Variants in COL23A1 observed in about 807,000 individuals in gnomAD.
The protein encoded by COL23A1 is collagen alpha-1(XXIII) chain.
Under a neutral mutation model 99.3 loss-of-function variants are expected in COL23A1, and 97 were observed. The ratio of observed to expected loss-of-function variants is 0.98; its 90% CI spans 0.83 to 1.16. The LOEUF (loss-of-function observed/expected upper bound fraction) is 1.16, where lower values mean the gene tolerates loss of function less well. Ranked by LOEUF, COL23A1 falls within the 50% of genes most tolerant of loss-of-function variation. The pLI, the probability that COL23A1 is intolerant of heterozygous loss-of-function variation, is 0.00. For missense variants in COL23A1, 762 were observed against 757.4 expected (o/e 1.01, Z -0.07); for synonymous variants, 320 against 308.2 (o/e 1.04, Z -0.40).
chr5:178,342,176 C>T (rs1031259344), intron 2 of COL23A1, among the ~76,000 whole-genome samples: 1 of 152,192 alleles, frequency 6.6e-6, no homozygotes. Context: ...CTGCAGTTCC[C>T]ACATGGCCCA....
intron 20 of COL23A1, 84 bp downstream of exon 20, chr5:178,248,108 G>A: frequency 1.0e-6 from 1 of 996,746 alleles, no homozygotes. Flanking sequence ...CAGGCCAGGT[G>A]GCCTTTTTGT....
At chr5:178,242,698 G>A (rs1220436502) in intron 25 of COL23A1, among the ~76,000 whole-genome samples, 1 of 152,210 alleles carries the variant, frequency 6.6e-6, no homozygotes, top group Non-Finnish European at 1.5e-5. Context: ...ACTGGTCTAG[G>A]CTTGGCTGGG....
chr5:178,356,966 C>T (rs1419157280), intron 2 of COL23A1, among the ~76,000 whole-genome samples: 1 of 152,246 alleles, frequency 6.6e-6, no homozygotes, highest in Non-Finnish European at 1.5e-5. Context: ...TAACACAAAG[C>T]CTGACGCTCG....
chr5:178,532,194 G>A (rs1760687430), intron 2 of COL23A1, among the ~76,000 whole-genome samples: 1 of 152,226 alleles, frequency 6.6e-6, no homozygotes, highest in Non-Finnish European at 1.5e-5. Context: ...TGTGCTCCAG[G>A]CACATTGTTT....
In COL23A1 at chr5:178,259,928, A is replaced by G. The variant is rs1021109253; in HGVS notation, c.703-181T>C. ...CAGTCTTGAATTCCACTTCTGAGCC[A>G]CTCACTCCCAAGCTCAATGACCCTG... On this transcript the variant is annotated intron_variant, in intron 11 of 28. Transcript: ENST00000390654. 2.0e-4 allele frequency among the ~76,000 whole-genome samples: 30 copies of G among 152,086 alleles called. 1 individual carries two copies. The highest frequency in any genetic ancestry group is 7.2e-4 in the African/African-American group (30 of 41,412).
chr5:178,560,750 T>C lies in COL23A1; in HGVS notation c.295-2A>G. On this transcript the variant is annotated splice_acceptor_variant, in intron 1 of 28. Transcript: ENST00000390654. LOFTEE classifies it high-confidence loss of function. ...GATCTTCGCTAGTCCGTCCAACTTC[T>C]GAGCCGGAAAAAAAAAAAGAAAAAA... is the stretch of plus-strand genomic sequence containing the variant. The C allele has an allele frequency of 6.2e-7, 1 of 1,605,168 alleles. No individual in the cohort carries two copies. Among genetic ancestry groups the C allele is most frequent in the Non-Finnish European group, 8.5e-7 (1 of 1,177,342 alleles).
chr5:178,415,662 C>T lies in COL23A1; in HGVS notation c.362-108743G>A, dbSNP rs112059538. Reference sequence around the variant, plus strand: ...GAGGGCAAGGGGACTGTGCGGGCGGCGGTGAGGTGGGCAGTCAGCAGACTG... The same window carrying T: ...GAGGGCAAGGGGACTGTGCGGGCGGTGGTGAGGTGGGCAGTCAGCAGACTG... On this transcript the variant is annotated intron_variant, in intron 2 of 28. Transcript: ENST00000390654. This position sits in a 1 kb window ranked among gnomAD's most constrained non-coding sequence, Gnocchi z 4.6. Among the ~76,000 whole-genome samples, 2 of 152,312 alleles carry T rather than the reference C, an allele frequency of 1.3e-5. No individual in the cohort carries two copies. Among genetic ancestry groups the T allele is most frequent in the African/African-American group, 4.8e-5 (2 of 41,568 alleles).
chr5:178,508,059 T>C (rs1346353801), intron 2 of COL23A1, among the ~76,000 whole-genome samples: 3 of 152,180 alleles, frequency 2.0e-5, no homozygotes, highest in African/African-American at 7.2e-5. Context: ...ATTTTCTCTC[T>C]GTTGTTCAGA....
At chr5:178,411,910 A>C (rs1765075549) in intron 2 of COL23A1, among the ~76,000 whole-genome samples, 1 of 152,224 alleles carries the variant, frequency 6.6e-6, no homozygotes, top group South Asian at 2.1e-4. Context: ...GATGTGTGGA[A>C]ATAGAAACTT....
At chr5:178,260,489 A>C (rs1765568353) in intron 11 of COL23A1, among the ~76,000 whole-genome samples, 1 of 152,164 alleles carries the variant, frequency 6.6e-6, no homozygotes, top group Non-Finnish European at 1.5e-5. Flanking sequence ...AAAACTATGG[A>C]GACAGTGAAA....
At chr5:178,574,103 C>T (rs1763234936) in intron 1 of COL23A1, among the ~76,000 whole-genome samples, 2 of 152,272 alleles carry the variant, frequency 1.3e-5, no homozygotes, top group South Asian at 4.1e-4. Flanking sequence ...AAGTGATCCA[C>T]CCACCTCAGC....
Position 178,589,718 on chromosome 5 carries a change from T to C in COL23A1, c.294+186A>G, listed in dbSNP as rs1019796809. On this transcript the variant is annotated intron_variant, in intron 1 of 28. Transcript: ENST00000390654. This position sits in a 1 kb window ranked among gnomAD's most constrained non-coding sequence, Gnocchi z 5.4. Reference sequence around the variant, plus strand: ...GCCGGAGCGGAGACCGCAAAACCCCTTGGGGCCGGCACCCCCTGCCTCCGC... The same window carrying C: ...GCCGGAGCGGAGACCGCAAAACCCCCTGGGGCCGGCACCCCCTGCCTCCGC... Among the ~76,000 whole-genome samples the C allele has an allele frequency of 6.6e-6, 1 of 151,772 alleles. No homozygotes were observed. The highest frequency in any genetic ancestry group is 2.1e-4 in the South Asian group (1 of 4,804).
At chr5:178,521,552 CAAAA>C (rs5873620) in intron 2 of COL23A1, among the ~76,000 whole-genome samples, 3 of 113,314 alleles carry the variant, frequency 2.6e-5, no homozygotes, top group Admixed American at 9.0e-5. Context: ...GACTCCATCT[CAAAA>C]AAAAAAAAAA....
intron 2 of COL23A1, among the ~76,000 whole-genome samples, chr5:178,410,886 A>C (rs781476208): frequency 3.1e-4 from 47 of 152,244 alleles, no homozygotes; most frequent in Admixed American, 1.0e-3. Context: ...CAATACTAAT[A>C]GTAATTCAGA....
chr5:178,428,277 C>T lies in COL23A1; in HGVS notation c.362-121358G>A, dbSNP rs1013536598. On this transcript the variant is annotated intron_variant, in intron 2 of 28. Coordinates refer to ENST00000390654, the MANE Select transcript of COL23A1 (RefSeq NM_173465.4). The surrounding 1 kb of genome is among the most constrained non-coding windows in gnomAD (Gnocchi z 5.0). ...GAAGGGTCTCTGGCTTCCCAAGATG[C>T]CATCTCTCCAGCCAAGAAGGTGCCC... Among the ~76,000 whole-genome samples the T allele has an allele frequency of 6.6e-6, 1 of 152,220 alleles. No homozygotes were observed. Among genetic ancestry groups the T allele is most frequent in the Non-Finnish European group, 1.5e-5 (1 of 68,038 alleles).
intron 2 of COL23A1, among the ~76,000 whole-genome samples, chr5:178,417,752 A>T (rs558850167): frequency 2.0e-5 from 3 of 152,254 alleles, no homozygotes; most frequent in Non-Finnish European, 2.9e-5. Context: ...GACGGAGTTC[A>T]TTAGCAGAAC....
intron 2 of COL23A1, chr5:178,344,752 A>C (rs1671871179): frequency 2.4e-6 from 1 of 417,366 alleles, no homozygotes; most frequent in African/African-American, 2.1e-5. Flanking sequence ...ACTGAAACAG[A>C]GGGCCTACTG....
At position 178,571,010 on chromosome 5, in the gene COL23A1, G is replaced by A. The variant is rs567373744; in HGVS notation, c.295-10262C>T. On this transcript the variant is annotated intron_variant, in intron 1 of 28. Transcript: ENST00000390654. The stretch of plus-strand genomic sequence containing the variant: ...CGCAGACAGCATTCACACTGGGGCC[G>A]GGAGAATGCCCGATCCCACCAGCCA... 9.2e-5 allele frequency among the ~76,000 whole-genome samples: 14 copies of A among 152,186 alleles called. No homozygotes were observed. In the South Asian group the frequency reaches 2.1e-3, roughly 23 times the overall value.
chr5:178,399,498 G>A (rs1764322797), intron 2 of COL23A1, among the ~76,000 whole-genome samples: 1 of 152,190 alleles, frequency 6.6e-6, no homozygotes, highest in Admixed American at 6.5e-5. Flanking sequence ...CCACCTTGTT[G>A]AGCCGATTGC....
Sources: gnomAD v4.1 joint callset for allele counts (sites outside exome capture counted in the v4.1 genomes callset) on GRCh38, gnomAD v4.1.1 for gene constraint, Gnocchi (gnomAD v3.1) non-coding constraint, MANE v1.5 for transcripts, NCBI Gene and HGNC (gene_info 2026-07-23, HGNC 2026-07-21) for gene names.